Variants in TRIB3 observed in about 807,000 individuals in gnomAD.
The protein encoded by TRIB3 is tribbles pseudokinase 3.
Under a neutral mutation model 16.6 loss-of-function variants are expected in TRIB3, and 20 were observed. That is an observed-to-expected ratio of 1.20 (90% confidence interval 0.85 to 1.75). TRIB3 has a LOEUF of 1.75. TRIB3 is among the 40% of genes most tolerant of loss of function. The pLI is 0.00. For synonymous variants in TRIB3, 208 were observed against 217.0 expected (o/e 0.96, Z 0.36); for missense variants, 484 against 488.9 (o/e 0.99, Z 0.10).
Position 396,534 on chromosome 20 carries a change from A to G in TRIB3, c.921A>G (p.Thr307=), listed in dbSNP as rs750774592. Residue 307 remains threonine, a synonymous_variant, in exon 4 of 4, where the codon ACA becomes ACG. Coordinates refer to ENST00000217233, the MANE Select transcript of TRIB3 (RefSeq NM_021158.5). ...AGCCAGCTGAACGGCTCACAGCCACAGGCATCCTCCTGCACCCCTGGCTGC... is the reference window on the plus strand; with the variant it reads ...AGCCAGCTGAACGGCTCACAGCCACGGGCATCCTCCTGCACCCCTGGCTGC... ...RREPAERLTA[T]GILLHPWLRQ... 6.2e-7 allele frequency: 1 copy of G among 1,613,188 alleles called. No homozygotes were observed. The highest frequency in any genetic ancestry group is 8.5e-7 in the Non-Finnish European group (1 of 1,180,034).
At chr20:382,538 T>A in intron 1 of TRIB3, 3 of 1,535,588 alleles carry the variant, frequency 2.0e-6, no homozygotes, top group Non-Finnish European at 2.6e-6. Context: ...TTTCTAAGAC[T>A]CCCAAGGATG....
rs377104264 is a variant in TRIB3, at chr20:396,317, C to A, written c.704C>A (p.Ala235Asp). Residue 235 changes from alanine to aspartate, a missense_variant, in exon 4 of 4, where the codon GCC (alanine) becomes GAC (aspartate). Coordinates refer to ENST00000217233, the MANE Select transcript of TRIB3 (RefSeq NM_021158.5). ...YVGPEILSSR[A>D]SYSGKAADVW... Reference sequence around the variant, plus strand: ...GGACCTGAGATACTCAGCTCACGGGCCTCATACTCGGGCAAGGCAGCCGAT... The same window carrying A: ...GGACCTGAGATACTCAGCTCACGGGACTCATACTCGGGCAAGGCAGCCGAT... The A allele has an allele frequency of 3.1e-6, 5 of 1,613,788 alleles. No individual in the cohort carries two copies. Among genetic ancestry groups the A allele is most frequent in the Non-Finnish European group, 4.2e-6 (5 of 1,180,032 alleles).
At chr20:394,323 T>C (rs1225125974) in intron 3 of TRIB3, among the ~76,000 whole-genome samples, 1 of 152,248 alleles carries the variant, frequency 6.6e-6, no homozygotes, top group Non-Finnish European at 1.5e-5. Flanking sequence ...CCCCCAAGGC[T>C]GATTTTCTGT....
rs755972826 is a variant in TRIB3 at position 396,735 on chromosome 20, G to A, written c.*45G>A. ...CAGCTGCCAACAGTGGATTGAGTTT[G>A]GGGGTAGCTCCAAGCCTTCTCCTGC... On this transcript the variant is annotated 3_prime_UTR_variant, in exon 4 of 4. Coordinates refer to ENST00000217233, the MANE Select transcript of TRIB3 (RefSeq NM_021158.5). 2.6e-6 allele frequency: 4 copies of A among 1,557,474 alleles called. No individual in the cohort carries two copies. The highest frequency in any genetic ancestry group is 4.5e-5 in the East Asian group (2 of 44,322).
intron 1 of TRIB3, among the ~76,000 whole-genome samples, chr20:381,858 G>C (rs2014662402): frequency 6.6e-6 from 1 of 152,190 alleles, no homozygotes; most frequent in Non-Finnish European, 1.5e-5. Context: ...CGGTGCGCGC[G>C]TGTCTGCGGT....
chr20:387,049 C>T (rs2014836707), intron 1 of TRIB3, among the ~76,000 whole-genome samples: 1 of 152,176 alleles, frequency 6.6e-6, no homozygotes, highest in Admixed American at 6.5e-5. Flanking sequence ...CCACGCCTGG[C>T]CAGGAAATAC....
Position 396,614 on chromosome 20 carries a change from A to G in TRIB3, c.1001A>G (p.Gln334Arg), listed in dbSNP as rs200901075. ...PTRSHLWEAA[Q>R]VVPDGLGLDE... Reference sequence around the variant, plus strand: ...CGATCCCATCTCTGGGAGGCTGCCCAGGTGGTCCCTGATGGACTGGGGCTG... The same window carrying G: ...CGATCCCATCTCTGGGAGGCTGCCCGGGTGGTCCCTGATGGACTGGGGCTG... Residue 334 changes from glutamine to arginine, a missense_variant, in exon 4 of 4, where the codon CAG becomes CGG. Coordinates refer to ENST00000217233, the MANE Select transcript of TRIB3 (RefSeq NM_021158.5). 6.0e-5 allele frequency: 96 copies of G among 1,613,008 alleles called. No homozygotes were observed. Among genetic ancestry groups the G allele is most frequent in the Admixed American group, 8.3e-5 (5 of 60,010 alleles).
intron 1 of TRIB3, among the ~76,000 whole-genome samples, chr20:382,013 C>A (rs866260245): frequency 2.0e-5 from 3 of 152,064 alleles, no homozygotes; most frequent in Admixed American, 2.0e-4. Context: ...CTTGGGCTCC[C>A]ACGGGAGGGG....
At chr20:388,556 C>T (rs1259806505) in intron 2 of TRIB3, among the ~76,000 whole-genome samples, 1 of 151,992 alleles carries the variant, frequency 6.6e-6, no homozygotes, top group Non-Finnish European at 1.5e-5. Flanking sequence ...GGATCATGGG[C>T]GCAGAAAAGG....
intron 1 of TRIB3, among the ~76,000 whole-genome samples, chr20:386,419 T>C (rs2014810245): frequency 6.6e-6 from 1 of 152,028 alleles, no homozygotes; most frequent in African/African-American, 2.4e-5. Context: ...TACAAAATAC[T>C]TTTTTTTGAG....
chr20:385,797 G>A (rs2014787962), intron 1 of TRIB3: 1 of 151,638 alleles, frequency 6.6e-6, no homozygotes, highest in African/African-American at 2.4e-5. Context: ...CAGGAGAGAG[G>A]CCTCTCTGGG....
intron 1 of TRIB3, among the ~76,000 whole-genome samples, chr20:384,663 T>A (rs1378094056): frequency 2.0e-5 from 3 of 152,124 alleles, no homozygotes; most frequent in Non-Finnish European, 4.4e-5. Flanking sequence ...CGCCCAGCCT[T>A]CAATAGATGT....
chr20:381,937 C>A (rs373972810), intron 1 of TRIB3, among the ~76,000 whole-genome samples: 7 of 152,312 alleles, frequency 4.6e-5, no homozygotes, highest in East Asian at 1.9e-4. Context: ...CCTCACCCCC[C>A]TCCTGTCCCA....
intron 1 of TRIB3, among the ~76,000 whole-genome samples, chr20:386,617 G>T (rs1008507785): frequency 6.6e-6 from 1 of 151,936 alleles, no homozygotes; most frequent in African/African-American, 2.4e-5. Context: ...CTGTTGGCCA[G>T]GCTGAAGTGC....
chr20:381,931 A>AC (rs1049853179), intron 1 of TRIB3, among the ~76,000 whole-genome samples: 1 of 151,032 alleles, frequency 6.6e-6, no homozygotes, highest in Non-Finnish European at 1.5e-5. Flanking sequence ...CCTCTGCCTC[A>AC]CCCCCCTCCT....
chr20:396,358 G>C lies in TRIB3; in HGVS notation c.745G>C (p.Val249Leu). 1.2e-6 allele frequency: 2 copies of C among 1,613,686 alleles called. No homozygotes were observed. Among genetic ancestry groups the C allele is most frequent in the African/African-American group, 1.3e-5 (1 of 75,080 alleles). ...GGCAGCCGATGTCTGGAGCCTGGGC[G>C]TGGCGCTCTTCACCATGCTGGCCGG... ...GKAADVWSLGVALFTMLAGHY... is the reference protein window; with the variant it reads ...GKAADVWSLGLALFTMLAGHY... Residue 249 changes from valine (V) to leucine (L), a missense_variant, in exon 4 of 4, where the codon GTG becomes CTG. Transcript: ENST00000217233.
chr20:396,498 C>T lies in TRIB3; in HGVS notation c.885C>T (p.Leu295=), dbSNP rs1192750662. Residue 295 remains leucine, a synonymous_variant, in exon 4 of 4, where the codon CTC becomes CTT. Transcript: ENST00000217233. The part of the protein sequence containing the change: ...SAPARCLVRC[L]LRREPAERLT... ...CTGCCCGCTGTCTGGTTCGCTGCCTCCTTCGTCGGGAGCCAGCTGAACGGC... is the reference window on the plus strand; with the variant it reads ...CTGCCCGCTGTCTGGTTCGCTGCCTTCTTCGTCGGGAGCCAGCTGAACGGC... 1.2e-6 allele frequency: 2 copies of T among 1,613,118 alleles called. No homozygotes were observed. The highest frequency in any genetic ancestry group is 2.2e-5 in the South Asian group (2 of 91,082).
At position 396,432 on chromosome 20, in the gene TRIB3, C is replaced by A; in HGVS notation, c.819C>A (p.Ile273=). ...DSEPVLLFGK[I]RRGAYALPAG... ...AGCCTGTCCTGCTCTTCGGCAAGAT[C>A]CGCCGCGGGGCCTACGCCTTGCCTG... The change falls in exon 4 of 4, where the codon ATC becomes ATA. Residue 273 remains isoleucine (I), a synonymous_variant. Coordinates refer to ENST00000217233, the MANE Select transcript of TRIB3 (RefSeq NM_021158.5). 1 of 1,612,912 alleles carries A rather than the reference C, an allele frequency of 6.2e-7. No homozygotes were observed. The highest frequency in any genetic ancestry group is 1.1e-5 in the South Asian group (1 of 91,086).
intron 3 of TRIB3, among the ~76,000 whole-genome samples, chr20:391,840 G>T (rs1402514888): frequency 6.6e-6 from 1 of 152,092 alleles, no homozygotes; most frequent in Non-Finnish European, 1.5e-5. Context: ...TGGCCAACAT[G>T]GTGAAACTCC....
Sources: allele counts gnomAD v4.1 joint callset (sites outside exome capture counted in the v4.1 genomes callset), GRCh38; gene constraint gnomAD v4.1.1; transcripts MANE v1.5; gene names NCBI Gene and HGNC (gene_info 2026-07-23, HGNC 2026-07-21).